TRAM2: variants seen among roughly 807,000 people sequenced by gnomAD.
TRAM2 encodes the protein translocation associated membrane protein 2, also known as translocating chain-associated membrane protein 2.
Under a neutral mutation model 51.0 loss-of-function variants are expected in TRAM2, and 12 were observed. The observed-to-expected ratio is 0.24, with a 90% CI of 0.15 to 0.38. The LOEUF is 0.38. Among genes scored for constraint, TRAM2 ranks in the 10% least tolerant of loss-of-function variants. The probability of loss-of-function intolerance (pLI) is 1.00; values close to 1 mark genes in which losing one functional copy is unlikely to be tolerated. For synonymous variants in TRAM2, 175 were observed against 179.4 expected, an observed-to-expected ratio of 0.98 and a Z score of 0.20; for missense variants, 361 against 462.0, an observed-to-expected ratio of 0.78 and a Z score of 2.00.
At chr6:52,569,305 G>A (rs1343191868) in intron 1 of TRAM2, among the ~76,000 whole-genome samples, 1 of 151,132 alleles carries the variant, frequency 6.6e-6, no homozygotes, top group Admixed American at 6.6e-5. Context: ...TGGGAGAATC[G>A]CTTGAACCCG....
chr6:52,512,672 A>G (rs1766471581), intron 4 of TRAM2, among the ~76,000 whole-genome samples: 2 of 152,204 alleles, frequency 1.3e-5, no homozygotes, highest in Non-Finnish European at 2.9e-5. Context: ...CCCATGAGCT[A>G]AGCAAGGCCT....
At chr6:52,521,971 G>C (rs954883330) in intron 2 of TRAM2, among the ~76,000 whole-genome samples, 1 of 152,008 alleles carries the variant, frequency 6.6e-6, no homozygotes, top group Admixed American at 6.5e-5. Context: ...TACAGGGACC[G>C]GGGGGAGCAC....
chr6:52,518,523 C>T (rs1766597485), intron 2 of TRAM2, among the ~76,000 whole-genome samples: 1 of 152,124 alleles, frequency 6.6e-6, no homozygotes, highest in African/African-American at 2.4e-5. Context: ...GGTAAGGACA[C>T]CGGTTAGAAA....
At chr6:52,535,936 A>G in intron 1 of TRAM2, 90 bp from the exon 2 acceptor site, 1 of 1,075,638 alleles carries the variant, frequency 9.3e-7, no homozygotes, top group Non-Finnish European at 1.4e-6. Flanking sequence ...TTTACATCTT[A>G]GACCCTCAAA....
At chr6:52,543,720 G>C (rs1370124894) in intron 1 of TRAM2, among the ~76,000 whole-genome samples, 1 of 152,180 alleles carries the variant, frequency 6.6e-6, no homozygotes, top group Non-Finnish European at 1.5e-5. Context: ...AGCAAAAAGA[G>C]AGGAGGGTCA....
At chr6:52,537,016 G>C (rs1343151723) in intron 1 of TRAM2, among the ~76,000 whole-genome samples, 4 of 152,158 alleles carry the variant, frequency 2.6e-5, no homozygotes, top group African/African-American at 7.2e-5. Flanking sequence ...GTGTTGCCCA[G>C]ACATGCCAGT....
chr6:52,504,467 C>G, intron 10 of TRAM2, 124 bp downstream of exon 10: 1 of 1,499,132 alleles, frequency 6.7e-7, no homozygotes. Context: ...AGGTAAGAGT[C>G]AGGAAGGAGA....
chr6:52,507,001 C>T (rs1257561217), intron 7 of TRAM2, among the ~76,000 whole-genome samples: 1 of 152,212 alleles, frequency 6.6e-6, no homozygotes, highest in African/African-American at 2.4e-5. Flanking sequence ...TTATCAATGA[C>T]ACAGCTTATT....
rs150182739 is a variant in TRAM2, at chr6:52,560,463, C to T, written c.120+16333G>A. ...TCTATTTTTTTTGTCAGATATCAGTCCATGTCAACACAGAAAGATTGATCT... is the reference window on the plus strand; with the variant it reads ...TCTATTTTTTTTGTCAGATATCAGTTCATGTCAACACAGAAAGATTGATCT... On this transcript the variant is annotated intron_variant, in intron 1 of 10. Transcript: ENST00000182527. Among the ~76,000 whole-genome samples, 11 of 152,288 alleles carry T rather than the reference C, an allele frequency of 7.2e-5. No individual in the cohort carries two copies. The East Asian group carries it at 2.1e-3, about 29-fold the overall frequency.
At chr6:52,526,685 G>A (rs12660309) in intron 2 of TRAM2, among the ~76,000 whole-genome samples, 15,122 of 152,154 alleles carry the variant, frequency 0.099, 1,402 homozygotes, top group East Asian at 0.51. Flanking sequence ...CACTGCACCC[G>A]GCCTGCATTG....
At chr6:52,545,342 C>T (rs1264489317) in intron 1 of TRAM2, among the ~76,000 whole-genome samples, 1 of 152,202 alleles carries the variant, frequency 6.6e-6, no homozygotes, top group African/African-American at 2.4e-5. Context: ...TGTCCCCCAC[C>T]CGAGGCCCAT....
rs1209271460 is a variant in TRAM2 at position 52,502,892 on chromosome 6, G to GA, written c.*304dup. 5.0e-6 allele frequency: 2 copies of GA among 403,300 alleles called. No individual in the cohort carries two copies. The highest frequency in any genetic ancestry group is 8.9e-6 in the Non-Finnish European group (2 of 224,510). The allele number at this position is 403,300 out of a possible 1,614,324, so 25.0% of individuals were successfully genotyped here. ...CATAAGGCAAGAGACAGAGCAAGCA[G>GA]AAAGGTGCCAGCCATGGGCGCCTGG... is the stretch of plus-strand genomic sequence containing the variant. On this transcript the variant is annotated 3_prime_UTR_variant, in exon 11 of 11. Transcript: ENST00000182527.
At chr6:52,518,826 G>GA (rs1340902209) in intron 2 of TRAM2, among the ~76,000 whole-genome samples, 1 of 152,156 alleles carries the variant, frequency 6.6e-6, no homozygotes, top group African/African-American at 2.4e-5. Context: ...CGCATATTTT[G>GA]AAATTATAAA....
At chr6:52,508,807 G>C (rs1766396526) in intron 5 of TRAM2, among the ~76,000 whole-genome samples, 1 of 152,166 alleles carries the variant, frequency 6.6e-6, no homozygotes, top group Non-Finnish European at 1.5e-5. Context: ...GCTGAGGCAG[G>C]TGGATCACCT....
chr6:52,526,657 G>T (rs1390722049), intron 2 of TRAM2, among the ~76,000 whole-genome samples: 1 of 152,136 alleles, frequency 6.6e-6, no homozygotes, highest in African/African-American at 2.4e-5. Context: ...CCAAAGTGCT[G>T]GGATTATAAG....
chr6:52,539,258 T>C (rs977198430), intron 1 of TRAM2, among the ~76,000 whole-genome samples: 2 of 152,212 alleles, frequency 1.3e-5, no homozygotes, highest in Non-Finnish European at 2.9e-5. Context: ...GTCTACAGGA[T>C]GAGAGCCGGA....
Position 52,500,532 on chromosome 6 carries a change from T to TTTG in TRAM2, c.*2664_*2665insCAA, listed in dbSNP as rs1766195240. On this transcript the variant is annotated 3_prime_UTR_variant, in exon 11 of 11. Coordinates refer to ENST00000182527, the MANE Select transcript of TRAM2 (RefSeq NM_012288.4). ...ATGGTCTCAGGGTTTTTTTTTGTTT[T>TTTG]TTTTTTTTTTTTTACATAAAATAAA... 1.3e-5 allele frequency: 2 copies of TTTG among 150,150 alleles called. No homozygotes were observed. Among genetic ancestry groups the TTTG allele is most frequent in the African/African-American group, 4.9e-5 (2 of 40,994 alleles). The allele number at this position is 150,150 out of a possible 1,614,324, so 9.3% of individuals were successfully genotyped here.
intron 1 of TRAM2, among the ~76,000 whole-genome samples, chr6:52,537,998 C>G (rs1454612277): frequency 1.3e-5 from 2 of 152,174 alleles, no homozygotes; most frequent in African/African-American, 2.4e-5. Context: ...CCACGCTAGC[C>G]ATGTTGGCTC....
chr6:52,569,231 C>T (rs549205023), intron 1 of TRAM2, among the ~76,000 whole-genome samples: 2 of 151,998 alleles, frequency 1.3e-5, no homozygotes, highest in Admixed American at 1.3e-4. Context: ...CCCATCTCCA[C>T]AAAAATACAA....
Sources: allele counts gnomAD v4.1 joint callset (sites outside exome capture counted in the v4.1 genomes callset), GRCh38; gene constraint gnomAD v4.1.1; transcripts MANE v1.5; gene names NCBI Gene and HGNC (gene_info 2026-07-23, HGNC 2026-07-21).